The following PCID2 variants were observed in gnomAD, a reference collection of about 807,000 sequenced individuals.
The protein encoded by PCID2 is PCI domain containing 2, also known as PCI domain-containing protein 2.
Under a neutral mutation model 61.3 loss-of-function variants are expected in PCID2, and 41 were observed. That is an observed-to-expected ratio of 0.67 (90% CI 0.52 to 0.87). The LOEUF (loss-of-function observed/expected upper bound fraction) is 0.87. Ranked by LOEUF, PCID2 falls within the 40% of genes least tolerant of loss-of-function variation. PCID2 has a pLI of 0.00. For synonymous variants in PCID2, 187 were observed against 177.8 expected, an observed-to-expected ratio of 1.05 and a Z score of -0.41; for missense variants, 392 against 493.4, an observed-to-expected ratio of 0.79 and a Z score of 1.95.
chr13:113,194,410 C>A (rs996113761), intron 6 of PCID2, among the ~76,000 whole-genome samples: 1 of 152,176 alleles, frequency 6.6e-6, no homozygotes, highest in East Asian at 1.9e-4. Flanking sequence ...ACTCCCTACA[C>A]GTGACTCTGA....
chr13:113,196,207 T>C lies in PCID2; in HGVS notation c.282A>G (p.Ala94=). 1 of 1,604,048 alleles carries C rather than the reference T, an allele frequency of 6.2e-7. No individual in the cohort carries two copies. Among genetic ancestry groups the C allele is most frequent in the Non-Finnish European group, 8.5e-7 (1 of 1,172,348 alleles). The change falls in exon 5 of 14, where the codon GCA becomes GCG. Residue 94 remains alanine (A), a synonymous_variant. Coordinates refer to ENST00000337344, the MANE Select transcript of PCID2 (RefSeq NM_001127202.4). ...QTVIVQSFLR[A]FQAHKEENWA... ...AGTTTTCTTCTTTGTGGGCCTGGAATGCTCGCAAGAATGATGTACTGTATT... is the reference window on the plus strand; with the variant it reads ...AGTTTTCTTCTTTGTGGGCCTGGAACGCTCGCAAGAATGATGTACTGTATT...
intron 6 of PCID2, among the ~76,000 whole-genome samples, chr13:113,191,507 C>T (rs538164546): frequency 3.3e-5 from 5 of 152,326 alleles, no homozygotes; most frequent in African/African-American, 1.2e-4. Flanking sequence ...TTAAGTCAGT[C>T]ACCAATTTTT....
the PCID2 span, among the ~76,000 whole-genome samples, chr13:113,167,887 T>C: frequency 1.3e-5 from 2 of 152,254 alleles, no homozygotes; most frequent in East Asian, 3.8e-4. Context: ...AGATTAACTA[T>C]ATATTGTTAT....
chr13:113,178,302 G>T lies in PCID2; in HGVS notation c.1111-15C>A. ...TTGACGTGTCCCTGCGGGGCAGAAAGGGAGGAATGCGTTTACATTTTTGGA... is the reference window on the plus strand; with the variant it reads ...TTGACGTGTCCCTGCGGGGCAGAAATGGAGGAATGCGTTTACATTTTTGGA... On this transcript the variant is annotated splice_polypyrimidine_tract_variant and intron_variant, in intron 13 of 13. Coordinates refer to ENST00000337344, the MANE Select transcript of PCID2 (RefSeq NM_001127202.4). The T allele has an allele frequency of 6.3e-7, 1 of 1,597,606 alleles. No individual in the cohort carries two copies. Among genetic ancestry groups the T allele is most frequent in the Non-Finnish European group, 8.6e-7 (1 of 1,165,816 alleles).
chr13:113,183,124 T>C (rs1038562447), intron 9 of PCID2, among the ~76,000 whole-genome samples: 4 of 152,198 alleles, frequency 2.6e-5, no homozygotes, highest in Admixed American at 1.3e-4. Context: ...AGAAGATCTA[T>C]GGCCAGCGCT....
intron 6 of PCID2, among the ~76,000 whole-genome samples, chr13:113,194,527 T>G (rs1375322262): frequency 6.6e-6 from 1 of 152,188 alleles, no homozygotes; most frequent in East Asian, 1.9e-4. Flanking sequence ...CATTGCATCC[T>G]GACTGGAACT....
the PCID2 span, chr13:113,165,069 G>T: frequency 3.1e-6 from 5 of 1,613,332 alleles, no homozygotes; most frequent in South Asian, 5.5e-5. Flanking sequence ...GTGCCTGCGG[G>T]GTGCTGACCT....
At chr13:113,192,731 T>C (rs1046210469) in intron 6 of PCID2, among the ~76,000 whole-genome samples, 1 of 152,190 alleles carries the variant, frequency 6.6e-6, no homozygotes, top group Non-Finnish European at 1.5e-5. Context: ...TTAACAGTGG[T>C]ATATCAGCAC....
chr13:113,191,596 A>G (rs184503025), intron 6 of PCID2, among the ~76,000 whole-genome samples: 1 of 152,352 alleles, frequency 6.6e-6, no homozygotes. Context: ...AACACTTGAA[A>G]TAAAAACGTT....
At chr13:113,207,175 G>A (rs971307250) in intron 1 of PCID2, among the ~76,000 whole-genome samples, 12 of 152,206 alleles carry the variant, frequency 7.9e-5, no homozygotes, top group Non-Finnish European at 1.2e-4. Context: ...ATATCCAGAT[G>A]TGTTTGTTCT....
At chr13:113,196,837 T>G (rs1451690778) in intron 4 of PCID2, among the ~76,000 whole-genome samples, 1 of 152,248 alleles carries the variant, frequency 6.6e-6, no homozygotes, top group Non-Finnish European at 1.5e-5. Context: ...CATCTCTGCC[T>G]GAATTCTGGA....
At chr13:113,173,214 C>T (rs187213987), downstream of PCID2, among the ~76,000 whole-genome samples, 2 of 152,308 alleles carry the variant, frequency 1.3e-5, no homozygotes, top group East Asian at 1.9e-4. Context: ...CAGGACAGCA[C>T]GTGCTGAATC....
chr13:113,200,691 A>ATT, intron 1 of PCID2, 175 bp from the exon 2 acceptor site: 1 of 411,110 alleles, frequency 2.4e-6, no homozygotes, highest in Non-Finnish European at 4.3e-6. Context: ...GGTAAACAAT[A>ATT]ATTTCTTTTT....
intron 9 of PCID2, among the ~76,000 whole-genome samples, chr13:113,183,144 G>A (rs1308936298): frequency 6.6e-6 from 1 of 152,084 alleles, no homozygotes; most frequent in African/African-American, 2.4e-5. Flanking sequence ...TGGCTTTTTG[G>A]GGACACAGAA....
intron 9 of PCID2, chr13:113,183,866 C>G: frequency 2.0e-6 from 2 of 985,400 alleles, no homozygotes; most frequent in Non-Finnish European, 2.4e-6. Flanking sequence ...TCTGTGGTAG[C>G]GACACACTGC....
intron 10 of PCID2, among the ~76,000 whole-genome samples, chr13:113,180,438 A>G (rs1164099705): frequency 6.6e-6 from 1 of 152,234 alleles, no homozygotes; most frequent in East Asian, 1.9e-4. Flanking sequence ...TTGTCATTCC[A>G]TGACACGTGA....
At chr13:113,180,386 AAC>A (rs1447572592) in intron 10 of PCID2, among the ~76,000 whole-genome samples, 155 bp from the exon 11 acceptor site, 1 of 152,252 alleles carries the variant, frequency 6.6e-6, no homozygotes, top group Admixed American at 6.5e-5. Context: ...CTAGGAAAAC[AAC>A]ACAGGTCTAG....
intron 1 of PCID2, among the ~76,000 whole-genome samples, chr13:113,205,094 A>T (rs892216667): frequency 5.3e-5 from 8 of 152,226 alleles, no homozygotes; most frequent in African/African-American, 1.9e-4. Context: ...ATTACAGGTC[A>T]TGAACCTCTG....
At chr13:113,208,427 C>T in intron 1 of PCID2, 172 bp downstream of exon 1, 1 of 1,497,726 alleles carries the variant, frequency 6.7e-7, no homozygotes, top group Non-Finnish European at 8.9e-7. Flanking sequence ...GGGCCGCCTT[C>T]CCGAGTCCCG....
Sources: allele counts gnomAD v4.1 joint callset (sites outside exome capture counted in the v4.1 genomes callset), GRCh38; gene constraint gnomAD v4.1.1; transcripts MANE v1.5; gene names NCBI Gene and HGNC (gene_info 2026-07-23, HGNC 2026-07-21).